The following KHDRBS2 variants were observed in gnomAD, a reference collection of about 807,000 sequenced individuals.
KHDRBS2 encodes KH domain-containing, RNA-binding, signal transduction-associated protein 2.
A neutral mutation model predicts 44.3 loss-of-function variants in KHDRBS2; 26 were observed. The ratio of observed to expected loss-of-function variants is 0.59; its 90% CI spans 0.43 to 0.81. The LOEUF (loss-of-function observed/expected upper bound fraction) is 0.81. Among genes scored for constraint, KHDRBS2 ranks in the 40% least tolerant of loss-of-function variants. The probability of loss-of-function intolerance (pLI) is 0.00; values close to 1 mark genes in which losing one functional copy is unlikely to be tolerated. For synonymous variants in KHDRBS2, 194 were observed against 151.1 expected, an observed-to-expected ratio of 1.28 and a Z score of -2.08; for missense variants, 476 against 433.1, an observed-to-expected ratio of 1.10 and a Z score of -0.88.
intron 6 of KHDRBS2, among the ~76,000 whole-genome samples, chr6:61,749,338 C>A (rs1777333856): frequency 6.6e-6 from 1 of 152,028 alleles, no homozygotes; most frequent in African/African-American, 2.4e-5. Flanking sequence ...GTACAAGTGG[C>A]TACATGTGGC....
chr6:62,115,434 A>T (rs533344467), intron 2 of KHDRBS2, among the ~76,000 whole-genome samples: 2 of 152,300 alleles, frequency 1.3e-5, no homozygotes, highest in Admixed American at 6.5e-5. Flanking sequence ...GATAAAGTTA[A>T]TTTTTCCAAG....
At chr6:61,563,793 G>A in the KHDRBS2 span, among the ~76,000 whole-genome samples, 26,051 of 152,000 alleles carry the variant, frequency 0.17, 2,459 homozygotes, top group East Asian at 0.29. Context: ...ATACAGCGAC[G>A]TTAGAGCCTG....
the KHDRBS2 span, among the ~76,000 whole-genome samples, chr6:61,563,993 T>C: frequency 6.6e-6 from 1 of 152,070 alleles, no homozygotes; most frequent in Non-Finnish European, 1.5e-5. Flanking sequence ...TCCATCTTAG[T>C]TTTCATGTAA....
chr6:62,158,141 A>T (rs1816857637), intron 2 of KHDRBS2, among the ~76,000 whole-genome samples: 1 of 152,182 alleles, frequency 6.6e-6, no homozygotes, highest in Non-Finnish European at 1.5e-5. Flanking sequence ...TCATTCTCTC[A>T]TTCAGGAATG....
chr6:62,096,684 T>G (rs1189798765), intron 2 of KHDRBS2, among the ~76,000 whole-genome samples: 2 of 152,044 alleles, frequency 1.3e-5, no homozygotes, highest in East Asian at 3.9e-4. Context: ...TAATTGATTT[T>G]TTTGTATAGA....
chr6:61,926,160 G>C (rs1001853947), intron 4 of KHDRBS2, among the ~76,000 whole-genome samples: 1 of 152,192 alleles, frequency 6.6e-6, no homozygotes, highest in Non-Finnish European at 1.5e-5. Context: ...AACGTAGGTA[G>C]AATCTGGGTG....
At chr6:62,102,300 G>A (rs956815768) in intron 2 of KHDRBS2, among the ~76,000 whole-genome samples, 3 of 152,166 alleles carry the variant, frequency 2.0e-5, no homozygotes, top group Admixed American at 6.5e-5. Context: ...CCAAGACTGG[G>A]TAATTTATAA....
intron 6 of KHDRBS2, among the ~76,000 whole-genome samples, chr6:61,861,137 C>A (rs562544627): frequency 6.6e-6 from 1 of 152,042 alleles, no homozygotes; most frequent in Admixed American, 6.5e-5. Context: ...GCATAGATTG[C>A]AAAATTTTTC....
At chr6:61,709,564 A>G (rs879479663) in intron 7 of KHDRBS2, among the ~76,000 whole-genome samples, 3 of 151,654 alleles carry the variant, frequency 2.0e-5, no homozygotes, top group Non-Finnish European at 3.0e-5. Flanking sequence ...ACTCTTCAAT[A>G]TCTTCTTTTC....
At chr6:61,810,279 T>C (rs1787904955) in intron 6 of KHDRBS2, among the ~76,000 whole-genome samples, 1 of 151,988 alleles carries the variant, frequency 6.6e-6, no homozygotes, top group Admixed American at 6.6e-5. Context: ...AGGGACATGA[T>C]CAAGTGACAT....
intron 6 of KHDRBS2, among the ~76,000 whole-genome samples, chr6:61,748,269 G>A (rs1195625905): frequency 6.6e-6 from 1 of 152,140 alleles, no homozygotes; most frequent in Admixed American, 6.5e-5. Flanking sequence ...GATTACAGGC[G>A]TGAGCCACCA....
At chr6:62,100,727 A>C (rs879420883) in intron 2 of KHDRBS2, among the ~76,000 whole-genome samples, 11 of 152,214 alleles carry the variant, frequency 7.2e-5, no homozygotes, top group Non-Finnish European at 8.8e-5. Context: ...TTTTTTAGAA[A>C]TAATACTTTA....
intron 2 of KHDRBS2, among the ~76,000 whole-genome samples, chr6:62,105,648 T>C (rs935738602): frequency 6.6e-6 from 1 of 152,154 alleles, no homozygotes; most frequent in East Asian, 1.9e-4. Flanking sequence ...TTTTATTGTG[T>C]CTATTTGATT....
At chr6:61,603,921 A>C in the KHDRBS2 span, among the ~76,000 whole-genome samples, 126 of 152,006 alleles carry the variant, frequency 8.3e-4, no homozygotes, top group African/African-American at 3.0e-3. Flanking sequence ...CCCTGATCAC[A>C]TTTGGTTTAT....
At chr6:61,774,887 C>A (rs1272074075) in intron 6 of KHDRBS2, among the ~76,000 whole-genome samples, 1 of 152,066 alleles carries the variant, frequency 6.6e-6, no homozygotes, top group Non-Finnish European at 1.5e-5. Context: ...ATGCAAAAAT[C>A]CTCAAGAAAA....
intron 4 of KHDRBS2, among the ~76,000 whole-genome samples, chr6:61,954,596 A>G (rs1221890883): frequency 1.4e-5 from 2 of 139,436 alleles, no homozygotes; most frequent in Non-Finnish European, 1.6e-5. Flanking sequence ...ATGTATATAT[A>G]CACATACATA....
chr6:62,058,541 G>T (rs1013385220), intron 2 of KHDRBS2, among the ~76,000 whole-genome samples: 1 of 151,618 alleles, frequency 6.6e-6, no homozygotes, highest in Non-Finnish European at 1.5e-5. Flanking sequence ...AGCAATCTAG[G>T]GCAGATTGCA....
At chr6:61,740,987 C>G (rs1776053194) in intron 6 of KHDRBS2, among the ~76,000 whole-genome samples, 1 of 151,778 alleles carries the variant, frequency 6.6e-6, no homozygotes, top group African/African-American at 2.4e-5. Flanking sequence ...CACAATGTTC[C>G]AAGCACTACT....
At chr6:61,599,474 A>T in the KHDRBS2 span, among the ~76,000 whole-genome samples, 16 of 152,132 alleles carry the variant, frequency 1.1e-4, no homozygotes, top group South Asian at 8.3e-4. Context: ...CCCCCAAAAA[A>T]TTTTCTCAAA....
Sources: allele counts gnomAD v4.1 joint callset (sites outside exome capture counted in the v4.1 genomes callset), GRCh38; gene constraint gnomAD v4.1.1; transcripts MANE v1.5; gene names NCBI Gene and HGNC (gene_info 2026-07-23, HGNC 2026-07-21).